The following INPP4B variants were observed in gnomAD, a reference collection of about 807,000 sequenced individuals.
INPP4B encodes the protein inositol polyphosphate-4-phosphatase type II B.
In INPP4B, 55 loss-of-function variants were observed where a neutral mutation model predicts 122.5. The ratio of observed to expected loss-of-function variants is 0.45; its 90% confidence interval spans 0.36 to 0.56. The LOEUF (loss-of-function observed/expected upper bound fraction) is 0.56, where lower values mean the gene tolerates loss of function less well. INPP4B is among the 20% of genes least tolerant of loss of function. INPP4B has a pLI of 0.00. For synonymous variants in INPP4B, 403 were observed against 388.7 expected (o/e 1.04, Z -0.43); for missense variants, 1,000 against 1,097.7 (o/e 0.91, Z 1.26).
chr4:142,107,907 CAA>C (rs1787962502), intron 23 of INPP4B, among the ~76,000 whole-genome samples, 184 bp downstream of exon 23: 1 of 152,124 alleles, frequency 6.6e-6, no homozygotes, highest in Admixed American at 6.6e-5. Flanking sequence ...AGAAGGCAAT[CAA>C]GAGAATGATG....
intron 7 of INPP4B, among the ~76,000 whole-genome samples, chr4:142,315,598 T>C (rs887803947): frequency 2.0e-5 from 3 of 151,864 alleles, no homozygotes; most frequent in African/African-American, 7.3e-5. Flanking sequence ...GTACAGCTAC[T>C]GACTCTACAG....
chr4:142,246,886 G>A (rs1201679425), intron 11 of INPP4B, among the ~76,000 whole-genome samples: 2 of 152,112 alleles, frequency 1.3e-5, no homozygotes, highest in East Asian at 3.9e-4. Context: ...GTTTTCAAAG[G>A]GAATGCTTCC....
intron 5 of INPP4B, among the ~76,000 whole-genome samples, chr4:142,411,230 T>TTTAA (rs1804529474): frequency 6.6e-6 from 1 of 152,114 alleles, no homozygotes; most frequent in African/African-American, 2.4e-5. Flanking sequence ...TAAGCAGGGG[T>TTTAA]TTAACTAGGA....
intron 12 of INPP4B, among the ~76,000 whole-genome samples, chr4:142,217,719 T>C (rs781042565): frequency 6.6e-5 from 10 of 152,166 alleles, no homozygotes; most frequent in Non-Finnish European, 1.2e-4. Flanking sequence ...CATGAGGAGA[T>C]TTTTGAGGGA....
At chr4:142,543,078 G>T (rs1829125579) in intron 2 of INPP4B, among the ~76,000 whole-genome samples, 1 of 152,054 alleles carries the variant, frequency 6.6e-6, no homozygotes, top group East Asian at 1.9e-4. Context: ...TAACAGAATT[G>T]GAACCTATTT....
chr4:142,574,492 T>A (rs1733448140), intron 2 of INPP4B, among the ~76,000 whole-genome samples: 1 of 152,062 alleles, frequency 6.6e-6, no homozygotes, highest in African/African-American at 2.4e-5. Flanking sequence ...AATGCTGTCT[T>A]GAGTCACTTT....
intron 25 of INPP4B, among the ~76,000 whole-genome samples, chr4:142,031,231 G>A (rs1396017741): frequency 1.3e-5 from 2 of 152,126 alleles, no homozygotes; most frequent in African/African-American, 2.4e-5. Context: ...GGTTAAGGGG[G>A]TGGGATATTC....
At chr4:142,261,414 C>A (rs1006411527) in intron 10 of INPP4B, among the ~76,000 whole-genome samples, 1 of 152,048 alleles carries the variant, frequency 6.6e-6, no homozygotes, top group Admixed American at 6.5e-5. Context: ...TGAGTGGGGA[C>A]AGGGAAGAGG....
intron 7 of INPP4B, among the ~76,000 whole-genome samples, chr4:142,315,608 GTTCTC>G (rs1399125443): frequency 6.6e-6 from 1 of 151,332 alleles, no homozygotes; most frequent in Non-Finnish European, 1.5e-5. Context: ...TGACTCTACA[GTTCTC>G]TTAAGAAAAC....
chr4:142,450,564 A>G (rs902730656), intron 3 of INPP4B, among the ~76,000 whole-genome samples: 1 of 152,128 alleles, frequency 6.6e-6, no homozygotes, highest in Non-Finnish European at 1.5e-5. Context: ...ACAGAGTTCT[A>G]TTTTTACTGC....
chr4:142,753,869 T>C (rs1770105893), intron 1 of INPP4B, among the ~76,000 whole-genome samples: 1 of 152,080 alleles, frequency 6.6e-6, no homozygotes, highest in Non-Finnish European at 1.5e-5. Context: ...TGTAATTTTA[T>C]TTTTAAAACT....
chr4:142,394,873 T>C (rs1025578975), intron 7 of INPP4B, among the ~76,000 whole-genome samples: 2 of 152,202 alleles, frequency 1.3e-5, no homozygotes, highest in Non-Finnish European at 2.9e-5. Context: ...AGCCAAAATA[T>C]CTTTGCTCAG....
intron 16 of INPP4B, among the ~76,000 whole-genome samples, chr4:142,163,741 C>T (rs772592345): frequency 1.3e-5 from 2 of 151,782 alleles, no homozygotes; most frequent in Non-Finnish European, 2.9e-5. Context: ...CGTCTTGGAA[C>T]ATATCCTCGT....
chr4:142,208,278 A>G (rs1046513811), intron 14 of INPP4B, 147 bp downstream of exon 14: 1 of 415,092 alleles, frequency 2.4e-6, no homozygotes, highest in African/African-American at 2.1e-5. Context: ...TCTCTTTAAC[A>G]GAATTTAGGG....
intron 18 of INPP4B, among the ~76,000 whole-genome samples, chr4:142,131,417 A>G (rs1164175910): frequency 6.6e-6 from 1 of 152,228 alleles, no homozygotes; most frequent in Non-Finnish European, 1.5e-5. Context: ...AACTAGGTGA[A>G]TATAGAAGTT....
At chr4:142,733,904 T>C (rs1328826703) in intron 1 of INPP4B, among the ~76,000 whole-genome samples, 1 of 152,204 alleles carries the variant, frequency 6.6e-6, no homozygotes, top group Non-Finnish European at 1.5e-5. Context: ...TGAAATGCTA[T>C]GCATTAATGA....
chr4:142,579,659 T>A (rs974284413), intron 2 of INPP4B, among the ~76,000 whole-genome samples: 7 of 151,686 alleles, frequency 4.6e-5, no homozygotes, highest in Non-Finnish European at 1.0e-4. Context: ...AATGGGACAT[T>A]GGCTTTTTCT....
At chr4:142,608,162 C>T (rs1186515101) in intron 2 of INPP4B, among the ~76,000 whole-genome samples, 2 of 152,158 alleles carry the variant, frequency 1.3e-5, no homozygotes, top group African/African-American at 4.8e-5. Context: ...AGTAGAGTGA[C>T]TGCTGCACCT....
intron 7 of INPP4B, among the ~76,000 whole-genome samples, chr4:142,360,488 G>A (rs1016435927): frequency 6.6e-6 from 1 of 151,982 alleles, no homozygotes; most frequent in Non-Finnish European, 1.5e-5. Context: ...AGGTTACCCT[G>A]AACGTACATA....
Sources: gnomAD v4.1 joint callset for allele counts (sites outside exome capture counted in the v4.1 genomes callset) on GRCh38, gnomAD v4.1.1 for gene constraint, MANE v1.5 for transcripts, NCBI Gene and HGNC (gene_info 2026-07-23, HGNC 2026-07-21) for gene names.